The following KIF1A variants were observed in gnomAD, a reference collection of about 807,000 sequenced individuals.
KIF1A encodes the protein kinesin family member 1A.
In KIF1A, 46 loss-of-function variants were observed where a neutral mutation model predicts 227.3. The ratio of observed to expected loss-of-function variants is 0.20; its 90% CI spans 0.16 to 0.26. The LOEUF (loss-of-function observed/expected upper bound fraction) is 0.26, where lower values mean the gene tolerates loss of function less well. KIF1A is among the 10% of genes least tolerant of loss of function. The probability of loss-of-function intolerance (pLI) is 1.00; values close to 1 mark genes in which losing one functional copy is unlikely to be tolerated. For missense variants in KIF1A, 1,683 were observed against 2,485.9 expected, an observed-to-expected ratio of 0.68 and a Z score of 6.87; for synonymous variants, 1,022 against 1,012.8, an observed-to-expected ratio of 1.01 and a Z score of -0.17.
At chr2:240,797,609 C>G (rs937742602) in intron 2 of KIF1A, 38 bp downstream of exon 2, 2 of 1,466,336 alleles carry the variant, frequency 1.4e-6, no homozygotes, top group African/African-American at 1.4e-5. Flanking sequence ...CCCCAGCAAC[C>G]CATGGCCGAC....
chr2:240,820,840 C>T (rs376475719), upstream of KIF1A, among the ~76,000 whole-genome samples: 2 of 152,304 alleles, frequency 1.3e-5, no homozygotes, highest in East Asian at 3.9e-4. This position sits in a 1 kb window ranked among gnomAD's most constrained non-coding sequence, Gnocchi z 6.2. Context: ...GGACCCGCCG[C>T]CTCGCCTCTA....
In KIF1A at chr2:240,719,800, G is replaced by A. The variant is rs2045069336; in HGVS notation, c.4995C>T (p.Val1665=). 6.2e-7 allele frequency: 1 copy of A among 1,601,628 alleles called. No homozygotes were observed. The highest frequency in any genetic ancestry group is 8.5e-7 in the Non-Finnish European group (1 of 1,173,938). ...TGACTCGGATCTCCTGGATGTCAGG[G>A]ACCAGCAGGCGCTGGGGCTCCTTGT... ...ETDKEPQRLL[V]PDIQEIRVSP... The change falls in exon 46 of 49, where the codon GTC becomes GTT. Residue 1665 remains valine (V), a synonymous_variant. Transcript: ENST00000498729.
intron 1 of KIF1A, among the ~76,000 whole-genome samples, chr2:240,801,622 C>A (rs1242746312): frequency 6.6e-6 from 1 of 152,118 alleles, no homozygotes; most frequent in African/African-American, 2.4e-5. Flanking sequence ...ATCCTAACCC[C>A]CCAAGTGATG....
chr2:240,745,850 G>A lies in KIF1A; in HGVS notation c.3262C>T (p.Leu1088=). ...SSEKAALDGP[L]DAALDHLRLG... ...CGGAGGTGGTCCAGGGCAGCATCCA[G>A]GGGCCCATCCAGGGCGGCTTTCTCA... is the stretch of plus-strand genomic sequence containing the variant. Residue 1088 remains leucine, a synonymous_variant, in exon 31 of 49, where the codon CTG becomes TTG. Transcript: ENST00000498729. 6.2e-7 allele frequency: 1 copy of A among 1,612,584 alleles called. No homozygotes were observed. Among genetic ancestry groups the A allele is most frequent in the Non-Finnish European group, 8.5e-7 (1 of 1,179,502 alleles).
chr2:240,748,228 T>G (rs2048828403), intron 28 of KIF1A, among the ~76,000 whole-genome samples: 5 of 152,214 alleles, frequency 3.3e-5, no homozygotes. Context: ...TCAGAGCTGC[T>G]GTACACCTTC....
chr2:240,789,938 C>T lies in KIF1A; in HGVS notation c.107-626G>A, dbSNP rs2055451530. 8.5e-5 allele frequency among the ~76,000 whole-genome samples: 13 copies of T among 152,162 alleles called. No homozygotes were observed. The highest frequency in any genetic ancestry group is 8.5e-4 in the Admixed American group (13 of 15,290). ...CTCACAGAATATCTGTTCCTCAAAC[C>T]CAGAACAAATCCATGAACACGTGAT... On this transcript the variant is annotated intron_variant, in intron 2 of 48. Transcript: ENST00000498729. The surrounding 1 kb of genome is among the most constrained non-coding windows in gnomAD (Gnocchi z 4.8).
chr2:240,782,263 A>C, intron 10 of KIF1A: 5 of 915,406 alleles, frequency 5.5e-6, no homozygotes, highest in Non-Finnish European at 6.5e-6. Context: ...AGCCCTCTCC[A>C]TGTCCGAGGG....
intron 28 of KIF1A, among the ~76,000 whole-genome samples, chr2:240,749,315 G>C (rs2125817676): frequency 6.6e-6 from 1 of 152,326 alleles, no homozygotes; most frequent in South Asian, 2.1e-4. Flanking sequence ...AGCCATCTCG[G>C]AGTTGGGGGA....
rs1322185212 is a variant in KIF1A, at chr2:240,758,650, A to AC, written c.2445-154dup. On this transcript the variant is annotated intron_variant, in intron 25 of 48. Transcript: ENST00000498729. The surrounding 1 kb of genome is among the most constrained non-coding windows in gnomAD (Gnocchi z 5.2). ...AAGGTCCAGGGGGCTTGCTAGACAG[A>AC]CCCCCTCTGTGACCCTTAGAGCTGG... Among the ~76,000 whole-genome samples the AC allele has an allele frequency of 6.6e-6, 1 of 151,864 alleles. No individual in the cohort carries two copies. The highest frequency in any genetic ancestry group is 1.5e-5 in the Non-Finnish European group (1 of 67,972).
chr2:240,787,403 C>A (rs2055079918), intron 4 of KIF1A, 87 bp from the exon 5 acceptor site: 2 of 1,190,624 alleles, frequency 1.7e-6, no homozygotes, highest in Non-Finnish European at 2.5e-6. Context: ...GCAGCCTGTG[C>A]CAGGCGGGAT....
intron 9 of KIF1A, 91 bp from the exon 10 acceptor site, chr2:240,782,698 C>G: frequency 7.4e-7 from 1 of 1,355,414 alleles, no homozygotes. Flanking sequence ...GGCTGCCTCG[C>G]CCTGGCCATG....
At chr2:240,818,355 G>A (rs747263628) in intron 1 of KIF1A, among the ~76,000 whole-genome samples, 2 of 152,184 alleles carry the variant, frequency 1.3e-5, no homozygotes, top group South Asian at 4.1e-4. Flanking sequence ...TCAGCCAGCG[G>A]CCTTACCGCA....
Position 240,787,400 on chromosome 2 carries a change from G to T in KIF1A, c.364-84C>A. 5 of 1,220,082 alleles carry T rather than the reference G, an allele frequency of 4.1e-6. No individual in the cohort carries two copies. In the South Asian group the frequency reaches 6.0e-5, roughly 15 times the overall value. 75.6% of individuals were successfully genotyped at this position (1,220,082 alleles called of 1,614,324 possible). A position where few individuals can be genotyped will look rare whatever the true frequency, so the allele number is the denominator to read the frequency against. On this transcript the variant is annotated intron_variant, in intron 4 of 48. Transcript: ENST00000498729. ...CCCCTTGCGATACTGTGGGCAGCCT[G>T]TGCCAGGCGGGATCCACCCTCTCAG...
chr2:240,717,777 G>C (rs1027088124), intron 48 of KIF1A, among the ~76,000 whole-genome samples: 9 of 152,220 alleles, frequency 5.9e-5, no homozygotes, highest in Non-Finnish European at 2.9e-5. Flanking sequence ...ATAGCCCTAA[G>C]GGCATCCCCA....
At chr2:240,731,857 C>G (rs576210413) in intron 38 of KIF1A, among the ~76,000 whole-genome samples, 17 of 131,466 alleles carry the variant, frequency 1.3e-4, no homozygotes, top group African/African-American at 4.5e-4. Context: ...TGGTTAGTGT[C>G]TGCTATGGGG....
intron 27 of KIF1A, among the ~76,000 whole-genome samples, chr2:240,753,473 G>A (rs575623226): frequency 1.3e-5 from 2 of 152,306 alleles, no homozygotes; most frequent in African/African-American, 4.8e-5. Context: ...GCACAGACTC[G>A]AGTGCCCCAC....
Position 240,766,251 on chromosome 2 carries a change from C to G in KIF1A, c.1685-458G>C, listed in dbSNP as rs1263258844. Among the ~76,000 whole-genome samples, 2 of 152,244 alleles carry G rather than the reference C, an allele frequency of 1.3e-5. No individual in the cohort carries two copies. The highest frequency in any genetic ancestry group is 2.4e-5 in the African/African-American group (1 of 41,456). On this transcript the variant is annotated intron_variant, in intron 19 of 48. Transcript: ENST00000498729. This position sits in a 1 kb window ranked among gnomAD's most constrained non-coding sequence, Gnocchi z 5.0. ...TGGACAGTGGGTGTCAGTCACAGGT[C>G]TGCAGGCCAGAGGCTGGCTGGATGC...
chr2:240,718,901 A>T, intron 47 of KIF1A, 105 bp downstream of exon 47: 1 of 899,712 alleles, frequency 1.1e-6, no homozygotes, highest in South Asian at 1.6e-5. Flanking sequence ...GTCTGGGGTG[A>T]GCAGATGGGC....
intron 1 of KIF1A, among the ~76,000 whole-genome samples, chr2:240,798,716 G>T (rs2056675363): frequency 6.6e-6 from 1 of 152,260 alleles, no homozygotes; most frequent in African/African-American, 2.4e-5. Context: ...CCAGCCAGAT[G>T]CTGCTGCTTC....
Sources: gnomAD v4.1 joint callset for allele counts (sites outside exome capture counted in the v4.1 genomes callset) on GRCh38, gnomAD v4.1.1 for gene constraint, Gnocchi (gnomAD v3.1) non-coding constraint, MANE v1.5 for transcripts, NCBI Gene and HGNC (gene_info 2026-07-23, HGNC 2026-07-21) for gene names.